Variants in FAM25A observed in about 807,000 individuals in gnomAD.
FAM25A encodes family with sequence similarity 25 member A.
A neutral mutation model predicts 6.6 loss-of-function variants in FAM25A; 5 were observed. The observed-to-expected ratio is 0.75, with a 90% CI of 0.39 to 1.59. The LOEUF is 1.59. FAM25A is among the 40% of genes most tolerant of loss of function. The probability of loss-of-function intolerance (pLI) is 0.02; values close to 1 mark genes in which losing one functional copy is unlikely to be tolerated. For missense variants in FAM25A, 93 were observed against 109.7 expected (o/e 0.85, Z 0.68); for synonymous variants, 36 against 41.3 (o/e 0.87, Z 0.49).
chr10:87,023,582 G>A (rs573263698), intron 2 of FAM25A, among the ~76,000 whole-genome samples: 10 of 152,220 alleles, frequency 6.6e-5, no homozygotes, highest in Admixed American at 2.6e-4. Flanking sequence ...CCAGCTGGGC[G>A]TGGTGGCACA....
chr10:87,023,560 A>T (rs1425286372), intron 2 of FAM25A, among the ~76,000 whole-genome samples: 1 of 152,150 alleles, frequency 6.6e-6, no homozygotes, highest in Non-Finnish European at 1.5e-5. Flanking sequence ...GTTGCTACTA[A>T]AAATACGAAA....
Position 87,020,363 on chromosome 10 carries a change from G to A in FAM25A, c.39G>A (p.Leu13=). ...TGGGGAAGCTGGCTGCCGAAGGCCT[G>A]GCCCACCGCACCGAGAAGGCCACCG... ...GGLGKLAAEG[L]AHRTEKATEG... Residue 13 remains leucine (L), a synonymous_variant, in exon 1 of 3, where the codon CTG becomes CTA. Transcript: ENST00000343959. 3 of 1,549,462 alleles carry A rather than the reference G, an allele frequency of 1.9e-6. No homozygotes were observed. The highest frequency in any genetic ancestry group is 2.6e-6 in the Non-Finnish European group (3 of 1,146,816).
chr10:87,021,515 A>G (rs1845329358), intron 1 of FAM25A, among the ~76,000 whole-genome samples: 1 of 152,198 alleles, frequency 6.6e-6, no homozygotes, highest in African/African-American at 2.4e-5. Flanking sequence ...TAGATCACCA[A>G]TAAATAGCAT....
chr10:87,022,479 A>G (rs980502396), intron 2 of FAM25A, 103 bp downstream of exon 2: 82 of 1,368,890 alleles, frequency 6.0e-5, no homozygotes, highest in Middle Eastern at 4.9e-4. Context: ...TCTGCCCCCA[A>G]TGTTGCAGCC....
In FAM25A at chr10:87,020,581, G is replaced by A. The variant is rs536387069; in HGVS notation, c.73+184G>A. On this transcript the variant is annotated intron_variant, in intron 1 of 2. Transcript: ENST00000343959. ...GGGTGCAGACCTGGGGAGGTCTCCT[G>A]GGGGCAGGGCATGAGTCCTGGTGCT... is the stretch of plus-strand genomic sequence containing the variant. Among the ~76,000 whole-genome samples, 3 of 152,278 alleles carry A rather than the reference G, an allele frequency of 2.0e-5. No individual in the cohort carries two copies. In the South Asian group the frequency reaches 6.2e-4, roughly 32 times the overall value.
At chr10:87,024,103 G>C (rs182406779) in intron 2 of FAM25A, among the ~76,000 whole-genome samples, 1 of 150,910 alleles carries the variant, frequency 6.6e-6, no homozygotes, top group East Asian at 1.9e-4. Context: ...AAAAATCAGC[G>C]CCATAAAGGA....
At position 87,021,637 on chromosome 10, in the gene FAM25A, C is replaced by G. The variant is rs375783345; in HGVS notation, c.74-677C>G. On this transcript the variant is annotated intron_variant, in intron 1 of 2. Transcript: ENST00000343959. Reference sequence around the variant, plus strand: ...ATTCCTTTGACTCCTCTGGACTTGCCGCCCCCGCGACCTGGTGTTGGGTCT... The same window carrying G: ...ATTCCTTTGACTCCTCTGGACTTGCGGCCCCCGCGACCTGGTGTTGGGTCT... Among the ~76,000 whole-genome samples, 225 of 152,308 alleles carry G rather than the reference C, an allele frequency of 1.5e-3. 2 individuals are homozygous for G. The highest frequency in any genetic ancestry group is 4.4e-3 in the South Asian group (21 of 4,822).
In FAM25A at chr10:87,024,534, C is replaced by A. The variant is rs1845360052; in HGVS notation, c.137-7C>A. 2 of 1,535,798 alleles carry A rather than the reference C, an allele frequency of 1.3e-6. No homozygotes were observed. The highest frequency in any genetic ancestry group is 1.7e-6 in the Non-Finnish European group (2 of 1,146,892). ...ACTAGGACATTCTTCCTCTTTCTTT[C>A]CAACAGCCATTGCTGAAGCCATAAA... On this transcript the variant is annotated splice_region_variant and splice_polypyrimidine_tract_variant and intron_variant, in intron 2 of 2. Coordinates refer to ENST00000343959, the MANE Select transcript of FAM25A (RefSeq NM_001146157.3).
At chr10:87,021,573 G>T (rs957605331) in intron 1 of FAM25A, among the ~76,000 whole-genome samples, 3 of 152,118 alleles carry the variant, frequency 2.0e-5, no homozygotes, top group Non-Finnish European at 4.4e-5. Flanking sequence ...TCGCGATGGC[G>T]CCCCGCTCCC....
Position 87,020,382 on chromosome 10 carries a change from G to T in FAM25A, c.58G>T (p.Ala20Ser), listed in dbSNP as rs372064076. The T allele has an allele frequency of 3.4e-5, 53 of 1,549,428 alleles. No homozygotes were observed. In the East Asian group the frequency reaches 7.6e-4, roughly 22 times the overall value. Residue 20 changes from alanine (A) to serine (S), a missense_variant, in exon 1 of 3, where the codon GCC (alanine) becomes TCC (serine). By Grantham distance (99) the Ala-to-Ser change is moderately conservative. Coordinates refer to ENST00000343959, the MANE Select transcript of FAM25A (RefSeq NM_001146157.3). The stretch of plus-strand genomic sequence containing the variant: ...AGGCCTGGCCCACCGCACCGAGAAG[G>T]CCACCGAGGGAGCCAGTGAGGACCT... ...AEGLAHRTEK[A>S]TEGAIHAVEE...
intron 2 of FAM25A, among the ~76,000 whole-genome samples, chr10:87,023,677 C>T (rs1564752972): frequency 6.6e-6 from 1 of 152,168 alleles, no homozygotes; most frequent in East Asian, 1.9e-4. Flanking sequence ...GCTGAGATTG[C>T]ACCACTGCAC....
At chr10:87,024,171 A>T (rs1342195393) in intron 2 of FAM25A, among the ~76,000 whole-genome samples, 3 of 151,570 alleles carry the variant, frequency 2.0e-5, no homozygotes, top group Non-Finnish European at 2.9e-5. Context: ...AAAAAAAAAA[A>T]ACTATAAACC....
chr10:87,021,654 G>T (rs1190389121), intron 1 of FAM25A, among the ~76,000 whole-genome samples: 1 of 152,180 alleles, frequency 6.6e-6, no homozygotes, highest in Non-Finnish European at 1.5e-5. Flanking sequence ...GCGACCTGGT[G>T]TTGGGTCTCA....
rs1589338915 is a variant in FAM25A at position 87,024,533 on chromosome 10, T to C, written c.137-8T>C. 1.3e-6 allele frequency: 2 copies of C among 1,535,748 alleles called. No individual in the cohort carries two copies. The highest frequency in any genetic ancestry group is 1.7e-6 in the Non-Finnish European group (2 of 1,146,884). ...CACTAGGACATTCTTCCTCTTTCTT[T>C]CCAACAGCCATTGCTGAAGCCATAA... On this transcript the variant is annotated splice_region_variant and splice_polypyrimidine_tract_variant and intron_variant, in intron 2 of 2. Transcript: ENST00000343959.
chr10:87,022,394 C>A lies in FAM25A; in HGVS notation c.136+18C>A, dbSNP rs3802668. ...AGAGAAAGGTACAGCTGGCTGAGGT[C>A]GGGCAGGGAAGGAGGGAGGGAGCAA... On this transcript the variant is annotated intron_variant, in intron 2 of 2. Transcript: ENST00000343959. The A allele has an allele frequency of 1.7e-4, 270 of 1,546,382 alleles. No individual in the cohort carries two copies. The highest frequency in any genetic ancestry group is 2.2e-4 in the Non-Finnish European group (248 of 1,146,530).
intron 2 of FAM25A, among the ~76,000 whole-genome samples, chr10:87,023,381 T>G (rs987593920): frequency 2.0e-4 from 30 of 152,152 alleles, no homozygotes; most frequent in African/African-American, 6.5e-4. Flanking sequence ...ATAAATGAAT[T>G]TATTAACTTA....
chr10:87,020,431 G>A (rs745423072), intron 1 of FAM25A, 34 bp downstream of exon 1: 1 of 1,547,692 alleles, frequency 6.5e-7, no homozygotes, highest in South Asian at 1.2e-5. Context: ...ACCTGGGCTG[G>A]GGGGATCTGG....
At chr10:87,022,847 T>A (rs1349817672) in intron 2 of FAM25A, among the ~76,000 whole-genome samples, 5 of 145,164 alleles carry the variant, frequency 3.4e-5, no homozygotes, top group Middle Eastern at 3.8e-3. Context: ...GAATGGTGTG[T>A]ACCTGGGAGG....
intron 1 of FAM25A, among the ~76,000 whole-genome samples, chr10:87,021,107 C>T (rs1437866324): frequency 5.3e-5 from 8 of 152,216 alleles, no homozygotes; most frequent in African/African-American, 1.7e-4. Context: ...GGATTGCAGG[C>T]GTGAACCACC....
Sources: allele counts gnomAD v4.1 joint callset (sites outside exome capture counted in the v4.1 genomes callset), GRCh38; gene constraint gnomAD v4.1.1; transcripts MANE v1.5; gene names NCBI Gene and HGNC (gene_info 2026-07-23, HGNC 2026-07-21).